The following SGCZ variants were observed in gnomAD, a reference collection of about 807,000 sequenced individuals.
SGCZ encodes the protein sarcoglycan zeta.
SGCZ carries 40 observed loss-of-function variants against 41.3 expected under a neutral mutation model. The observed-to-expected ratio is 0.97, with a 90% CI of 0.75 to 1.26. The LOEUF (loss-of-function observed/expected upper bound fraction) is 1.26. Ranked by LOEUF, SGCZ falls within the 50% of genes most tolerant of loss-of-function variation. SGCZ has a pLI of 0.00. For synonymous variants in SGCZ, 206 were observed against 137.5 expected (o/e 1.50, Z -3.49); for missense variants, 552 against 369.8 (o/e 1.49, Z -4.04).
intron 1 of SGCZ, among the ~76,000 whole-genome samples, chr8:14,981,284 C>T (rs1801654501): frequency 6.6e-6 from 1 of 152,162 alleles, no homozygotes; most frequent in African/African-American, 2.4e-5. Context: ...AGTTCACATT[C>T]CTTATTATTA....
At chr8:14,110,416 A>T (rs1266054260) in intron 5 of SGCZ, among the ~76,000 whole-genome samples, 3 of 152,204 alleles carry the variant, frequency 2.0e-5, no homozygotes, top group Non-Finnish European at 4.4e-5. Context: ...CTATCAGTGA[A>T]AATAAAAATA....
At chr8:14,979,970 A>G (rs1275525742) in intron 1 of SGCZ, among the ~76,000 whole-genome samples, 1 of 152,242 alleles carries the variant, frequency 6.6e-6, no homozygotes, top group Non-Finnish European at 1.5e-5. Context: ...AATTTTAGGA[A>G]TCATGCTTAA....
At chr8:15,017,390 T>C (rs1191967940) in intron 1 of SGCZ, among the ~76,000 whole-genome samples, 1 of 152,216 alleles carries the variant, frequency 6.6e-6, no homozygotes, top group East Asian at 1.9e-4. Context: ...ACAGTGGACC[T>C]TGGTTGAGCT....
chr8:15,211,742 A>G (rs1801243373), intron 1 of SGCZ, among the ~76,000 whole-genome samples: 1 of 151,992 alleles, frequency 6.6e-6, no homozygotes, highest in African/African-American at 2.4e-5. Flanking sequence ...TATATCTTCA[A>G]CCTCTCCCCT....
intron 1 of SGCZ, among the ~76,000 whole-genome samples, chr8:15,077,086 T>A (rs1055317241): frequency 6.6e-6 from 1 of 152,218 alleles, no homozygotes; most frequent in Admixed American, 6.5e-5. Flanking sequence ...GGAATATTCT[T>A]GTTGGAGACT....
chr8:14,526,945 G>T (rs528955066), intron 2 of SGCZ, among the ~76,000 whole-genome samples: 2 of 152,032 alleles, frequency 1.3e-5, no homozygotes, highest in African/African-American at 4.8e-5. Context: ...TATCTACTGG[G>T]CACGACAACA....
chr8:14,582,861 G>A (rs1187861467), intron 1 of SGCZ, among the ~76,000 whole-genome samples: 1 of 151,404 alleles, frequency 6.6e-6, no homozygotes, highest in Non-Finnish European at 1.5e-5. Flanking sequence ...TGGCTGCATA[G>A]TATTCCATGG....
intron 1 of SGCZ, among the ~76,000 whole-genome samples, chr8:15,059,645 C>T (rs191383165): frequency 0.029 from 4,456 of 151,722 alleles, 203 homozygotes; most frequent in African/African-American, 0.1. Flanking sequence ...TACTGTCTTC[C>T]TAAATTAATG....
At chr8:15,085,749 C>A (rs551710033) in intron 1 of SGCZ, among the ~76,000 whole-genome samples, 1 of 152,142 alleles carries the variant, frequency 6.6e-6, no homozygotes, top group Admixed American at 6.5e-5. Context: ...CACACATCTA[C>A]GCTAGATATG....
intron 1 of SGCZ, among the ~76,000 whole-genome samples, chr8:14,823,951 T>C (rs1563294947): frequency 6.6e-6 from 1 of 151,808 alleles, no homozygotes; most frequent in Non-Finnish European, 1.5e-5. Context: ...ACAGAGGACA[T>C]GATGTTACAT....
intron 1 of SGCZ, among the ~76,000 whole-genome samples, chr8:15,045,882 A>G (rs1186684395): frequency 6.6e-6 from 1 of 151,962 alleles, no homozygotes; most frequent in Non-Finnish European, 1.5e-5. Context: ...GACCAAGAAT[A>G]CTCTCCACCA....
intron 1 of SGCZ, among the ~76,000 whole-genome samples, chr8:14,645,457 T>A (rs1807175694): frequency 7.1e-6 from 1 of 141,594 alleles, no homozygotes; most frequent in African/African-American, 2.5e-5. Context: ...TAGAAAAGTA[T>A]CATTGATTAT....
At chr8:14,575,079 G>T (rs1024541269) in intron 1 of SGCZ, among the ~76,000 whole-genome samples, 1 of 152,114 alleles carries the variant, frequency 6.6e-6, no homozygotes, top group African/African-American at 2.4e-5. Context: ...TTCTAACTTT[G>T]AATTAGAGCA....
intron 1 of SGCZ, among the ~76,000 whole-genome samples, chr8:15,005,132 T>C (rs1408878659): frequency 6.6e-6 from 1 of 152,104 alleles, no homozygotes; most frequent in East Asian, 1.9e-4. Flanking sequence ...AAGTTACTCA[T>C]GGGGAGATCC....
chr8:14,665,043 T>C (rs528105600), intron 1 of SGCZ, among the ~76,000 whole-genome samples: 7 of 152,342 alleles, frequency 4.6e-5, no homozygotes, highest in African/African-American at 1.7e-4. Flanking sequence ...CTCTAAGTTT[T>C]AGGGTACATA....
At chr8:14,656,512 C>T (rs111255901) in intron 1 of SGCZ, among the ~76,000 whole-genome samples, 1,756 of 146,136 alleles carry the variant, frequency 0.012, 38 homozygotes, top group African/African-American at 0.043. Context: ...CCTCTCCTTC[C>T]TTCCTTTTCT....
intron 5 of SGCZ, among the ~76,000 whole-genome samples, chr8:14,144,936 TG>T (rs1379098216): frequency 6.6e-6 from 1 of 152,162 alleles, no homozygotes; most frequent in Non-Finnish European, 1.5e-5. Context: ...TTGCATCTTG[TG>T]GTTTGATTGC....
At chr8:14,894,123 T>G (rs1179378936) in intron 1 of SGCZ, among the ~76,000 whole-genome samples, 4 of 152,186 alleles carry the variant, frequency 2.6e-5, no homozygotes, top group Non-Finnish European at 5.9e-5. Flanking sequence ...GACATGCATC[T>G]GAGTTTTAAG....
intron 2 of SGCZ, among the ~76,000 whole-genome samples, chr8:14,452,173 G>A (rs981101518): frequency 6.6e-6 from 1 of 152,058 alleles, no homozygotes; most frequent in African/African-American, 2.4e-5. Flanking sequence ...GAAATGAAAC[G>A]GAGACAACTT....
Sources: allele counts gnomAD v4.1 joint callset (sites outside exome capture counted in the v4.1 genomes callset), GRCh38; gene constraint gnomAD v4.1.1; transcripts MANE v1.5; gene names NCBI Gene and HGNC (gene_info 2026-07-23, HGNC 2026-07-21).